Variants in PCDH11X observed in about 807,000 individuals in gnomAD.
The protein encoded by PCDH11X is protocadherin 11 X-linked.
PCDH11X carries 18 observed loss-of-function variants against 53.3 expected under a neutral mutation model. The observed-to-expected ratio is 0.34, with a 90% CI of 0.23 to 0.50. The LOEUF (loss-of-function observed/expected upper bound fraction) is 0.50. Ranked by LOEUF, PCDH11X falls within the 20% of genes least tolerant of loss-of-function variation. The pLI, the probability that PCDH11X is intolerant of heterozygous loss-of-function variation, is 0.98. For synonymous variants in PCDH11X, 279 were observed against 393.3 expected (o/e 0.71, Z 3.44); for missense variants, 570 against 1,032.4 (o/e 0.55, Z 6.14).
At chrX:92,509,335 T>C (rs991393592) in intron 10 of PCDH11X, among the ~76,000 whole-genome samples, 1 of 110,846 alleles carries the variant, frequency 9.0e-6, no homozygotes, top group Non-Finnish European at 1.9e-5. Context: ...TTTTAAATCC[T>C]ACAATGATTG....
intron 10 of PCDH11X, among the ~76,000 whole-genome samples, chrX:92,616,837 A>C (rs1398634967): frequency 9.0e-6 from 1 of 111,231 alleles, no homozygotes; most frequent in African/African-American, 3.3e-5. Flanking sequence ...GACCACTGAC[A>C]TCATAACAAT....
rs185193840 is a variant in PCDH11X, at chrX:91,782,182, C to T, written c.-379+2498C>T. On this transcript the variant is annotated intron_variant, in intron 1 of 10. Transcript: ENST00000682573. ...CCTGGGTCCCGGCTCGCAGCCCCCC[C>T]CTTCCAGTCCCTCGCTCCTCAGAGG... Among the ~76,000 whole-genome samples, 773 of 112,325 alleles carry T rather than the reference C, an allele frequency of 6.9e-3. 5 individuals are homozygous for T. Among genetic ancestry groups the T allele is most frequent in the African/African-American group, 0.023 (711 of 30,974 alleles).
At chrX:92,355,210 G>C (rs1158544777) in intron 8 of PCDH11X, among the ~76,000 whole-genome samples, 2 of 92,443 alleles carry the variant, frequency 2.2e-5, no homozygotes, top group Non-Finnish European at 4.1e-5. Flanking sequence ...GGCGGATCAT[G>C]AGGTCAGGAG....
chrX:91,902,393 A>T (rs1324277217), intron 6 of PCDH11X, among the ~76,000 whole-genome samples: 1 of 108,401 alleles, frequency 9.2e-6, no homozygotes, highest in Non-Finnish European at 1.9e-5. Flanking sequence ...ACTCCTTTTG[A>T]AGTTCTATTT....
chrX:92,504,375 G>C (rs1279064912), intron 10 of PCDH11X, among the ~76,000 whole-genome samples: 1 of 109,121 alleles, frequency 9.2e-6, no homozygotes, highest in Admixed American at 9.9e-5. Flanking sequence ...TTGGTTTCCT[G>C]TTCCTGCATT....
chrX:92,311,415 A>G, intron 8 of PCDH11X, among the ~76,000 whole-genome samples: 1 of 110,126 alleles, frequency 9.1e-6, no homozygotes, highest in Non-Finnish European at 1.9e-5. Flanking sequence ...TGCCATCACC[A>G]CAGGTAATTA....
intron 9 of PCDH11X, among the ~76,000 whole-genome samples, chrX:92,465,688 G>T (rs2073143198): frequency 9.0e-6 from 1 of 110,886 alleles, no homozygotes; most frequent in South Asian, 3.7e-4. Flanking sequence ...TTTGTTTTAG[G>T]AATATAAAGG....
intron 7 of PCDH11X, among the ~76,000 whole-genome samples, chrX:92,218,531 G>A (rs1354810702): frequency 9.1e-6 from 1 of 110,071 alleles, no homozygotes; most frequent in East Asian, 2.8e-4. Flanking sequence ...CCAATAACAG[G>A]CTCTGAAATT....
chrX:92,273,381 G>A (rs1174874125), intron 8 of PCDH11X, among the ~76,000 whole-genome samples: 1 of 111,312 alleles, frequency 9.0e-6, no homozygotes, highest in Non-Finnish European at 1.9e-5. Context: ...AATCACAATG[G>A]TGGAATGTCA....
At chrX:91,995,923 C>T (rs1337304508) in intron 6 of PCDH11X, among the ~76,000 whole-genome samples, 40 of 104,616 alleles carry the variant, frequency 3.8e-4, no homozygotes, top group Non-Finnish European at 7.2e-4. Context: ...GATCTTGGCT[C>T]ACTGCAAGCT....
At chrX:92,254,032 T>G (rs1334799982) in intron 7 of PCDH11X, among the ~76,000 whole-genome samples, 1 of 112,027 alleles carries the variant, frequency 8.9e-6, no homozygotes, top group East Asian at 2.8e-4. Flanking sequence ...GAGAAAAGGC[T>G]TTCAGTTTTT....
Position 92,478,291 on chromosome X carries a change from A to G in PCDH11X, c.3367+9969A>G, listed in dbSNP as rs183297027. On this transcript the variant is annotated intron_variant, in intron 10 of 10. Transcript: ENST00000682573. Reference sequence around the variant, plus strand: ...CAATGTAAAAATGGACTGTTACACAATCTATTTCACTAATTTAAAAAAAAA... The same window carrying G: ...CAATGTAAAAATGGACTGTTACACAGTCTATTTCACTAATTTAAAAAAAAA... 1.7e-3 allele frequency among the ~76,000 whole-genome samples: 186 copies of G among 111,072 alleles called. 3 individuals are homozygous for G. In the East Asian group the frequency reaches 0.018, roughly 11 times the overall value.
chrX:91,820,788 G>T lies in PCDH11X; in HGVS notation c.-45+9493G>T, dbSNP rs1197479058. ...ATGGTAATGCCTAGGCTTTCTTCTA[G>T]CGTTTTTATGGTTTTAGGTCTAACG... On this transcript the variant is annotated intron_variant, in intron 4 of 10. Transcript: ENST00000682573. Among the ~76,000 whole-genome samples, 22 of 101,891 alleles carry T rather than the reference G, an allele frequency of 2.2e-4. 1 individual carries two copies. Among genetic ancestry groups the T allele is most frequent in the Admixed American group, 9.8e-5 (1 of 10,177 alleles). 88.5% of individuals were successfully genotyped at this position (101,891 alleles called of 115,157 possible).
chrX:92,402,036 G>T (rs2071398606), intron 9 of PCDH11X, among the ~76,000 whole-genome samples: 1 of 110,687 alleles, frequency 9.0e-6, no homozygotes. Context: ...ATTAACACGT[G>T]CACAAATATT....
At chrX:92,342,132 A>G (rs2069777064) in intron 8 of PCDH11X, among the ~76,000 whole-genome samples, 2 of 111,991 alleles carry the variant, frequency 1.8e-5, no homozygotes, top group Admixed American at 1.9e-4. Flanking sequence ...CAAAACCACA[A>G]TAAAATATCA....
At chrX:92,109,373 CAA>C (rs373993283) in intron 6 of PCDH11X, among the ~76,000 whole-genome samples, 1 of 102,180 alleles carries the variant, frequency 9.8e-6, no homozygotes, top group African/African-American at 3.5e-5. Flanking sequence ...GATTCCATCT[CAA>C]AAAAAAAACA....
At chrX:92,232,098 T>C (rs774209852) in intron 7 of PCDH11X, among the ~76,000 whole-genome samples, 1 of 112,248 alleles carries the variant, frequency 8.9e-6, no homozygotes, top group East Asian at 2.8e-4. Context: ...TATTCATCGA[T>C]CTTGAGATAT....
At chrX:92,499,852 TGAAA>T (rs2073931042) in intron 10 of PCDH11X, among the ~76,000 whole-genome samples, 1 of 103,841 alleles carries the variant, frequency 9.6e-6, no homozygotes, top group African/African-American at 3.5e-5. Flanking sequence ...AAAGAATGAA[TGAAA>T]GAAAGAAAGA....
intron 8 of PCDH11X, among the ~76,000 whole-genome samples, chrX:92,308,546 G>A (rs1272996744): frequency 1.8e-5 from 2 of 110,448 alleles, no homozygotes; most frequent in Non-Finnish European, 3.8e-5. Flanking sequence ...ATATAAAAAT[G>A]TTAGAAGAAA....
Sources: gnomAD v4.1 joint callset for allele counts (sites outside exome capture counted in the v4.1 genomes callset) on GRCh38, gnomAD v4.1.1 for gene constraint, MANE v1.5 for transcripts, NCBI Gene and HGNC (gene_info 2026-07-23, HGNC 2026-07-21) for gene names.